The following CPNE4 variants were observed in gnomAD, a reference collection of about 807,000 sequenced individuals.
CPNE4 encodes copine-4.
CPNE4 carries 25 observed loss-of-function variants against 67.9 expected under a neutral mutation model. The ratio of observed to expected loss-of-function variants is 0.37; its 90% confidence interval spans 0.27 to 0.51. The LOEUF (loss-of-function observed/expected upper bound fraction) is 0.51, where lower values mean the gene tolerates loss of function less well. CPNE4 is among the 20% of genes least tolerant of loss of function. CPNE4 has a pLI of 0.93. For missense variants in CPNE4, 464 were observed against 690.8 expected, an observed-to-expected ratio of 0.67 and a Z score of 3.68; for synonymous variants, 242 against 244.9, an observed-to-expected ratio of 0.99 and a Z score of 0.11.
chr3:131,684,274 T>G (rs947345193), intron 6 of CPNE4, among the ~76,000 whole-genome samples: 6 of 152,206 alleles, frequency 3.9e-5, no homozygotes, highest in Admixed American at 2.0e-4. Flanking sequence ...AAAAGAAGTT[T>G]GTTTCACATA....
chr3:131,708,957 G>GAGATATATATAT (rs2081484362), intron 3 of CPNE4, among the ~76,000 whole-genome samples: 2 of 65,800 alleles, frequency 3.0e-5, no homozygotes, highest in African/African-American at 9.3e-5. Flanking sequence ...AGGGCATAAA[G>GAGATATATATAT]ATATATATAT....
chr3:132,013,534 C>A (rs2369362), intron 1 of CPNE4, among the ~76,000 whole-genome samples: 127,533 of 152,198 alleles, frequency 0.84, 54,522 homozygotes, highest in Non-Finnish European at 0.93. Context: ...CCAAGGTCAA[C>A]TTTTTTTCAT....
At chr3:132,032,031 A>C (rs2074246795) in intron 1 of CPNE4, among the ~76,000 whole-genome samples, 1 of 152,216 alleles carries the variant, frequency 6.6e-6, no homozygotes. Context: ...TATACTTTAG[A>C]ACAAACACCT....
intron 15 of CPNE4, 130 bp from the exon 16 acceptor site, chr3:131,535,459 T>A: frequency 1.1e-6 from 1 of 886,952 alleles, no homozygotes; most frequent in Non-Finnish European, 1.6e-6. Context: ...TTGTCAAGGG[T>A]CTACTTCAAG....
chr3:131,765,653 C>T (rs1202985586), intron 2 of CPNE4, among the ~76,000 whole-genome samples: 1 of 152,026 alleles, frequency 6.6e-6, no homozygotes, highest in African/African-American at 2.4e-5. Context: ...AATAGGTTTT[C>T]TGGTGGTCTT....
intron 1 of CPNE4, among the ~76,000 whole-genome samples, chr3:132,023,948 A>G (rs1440569091): frequency 6.6e-6 from 1 of 152,204 alleles, no homozygotes; most frequent in Non-Finnish European, 1.5e-5. Context: ...AGAGTCTAGA[A>G]AAGATGTTAC....
chr3:131,788,858 A>T (rs1349186805), intron 2 of CPNE4, among the ~76,000 whole-genome samples: 1 of 151,908 alleles, frequency 6.6e-6, no homozygotes, highest in Non-Finnish European at 1.5e-5. Flanking sequence ...ACATACACAC[A>T]TATATATATA....
rs1213815466 is a variant in CPNE4, at chr3:131,978,462, ATATATT to A, written c.-2+56099_-2+56104del. 1.3e-4 allele frequency among the ~76,000 whole-genome samples: 4 copies of A among 29,762 alleles called. 1 individual carries two copies. Among genetic ancestry groups the A allele is most frequent in the Non-Finnish European group, 2.2e-4 (4 of 18,562 alleles). 19.5% of individuals were successfully genotyped at this position (29,762 alleles called of 152,430 possible). On this transcript the variant is annotated intron_variant, in intron 1 of 15. Transcript: ENST00000429747. ...TATATATATTTATATATATATTTAT[ATATATT>A]TATATATTTATATATATTTATATAT...
chr3:131,912,501 C>T (rs1057231056), intron 1 of CPNE4, among the ~76,000 whole-genome samples: 1 of 152,092 alleles, frequency 6.6e-6, no homozygotes, highest in East Asian at 1.9e-4. Flanking sequence ...ACAACATTTC[C>T]ATCACAATTC....
chr3:131,884,248 T>C (rs1267819253), intron 2 of CPNE4, among the ~76,000 whole-genome samples: 1 of 152,226 alleles, frequency 6.6e-6, no homozygotes, highest in Non-Finnish European at 1.5e-5. Flanking sequence ...TGCACCACTA[T>C]GGACTGGTAG....
chr3:131,970,255 C>A (rs2072465731), intron 1 of CPNE4, among the ~76,000 whole-genome samples: 1 of 152,200 alleles, frequency 6.6e-6, no homozygotes, highest in Non-Finnish European at 1.5e-5. Context: ...AGTGAAGACA[C>A]ACCAACCCCC....
chr3:131,555,499 T>A lies in CPNE4; in HGVS notation c.1114A>T (p.Thr372Ser), dbSNP rs759813686. 1 of 1,612,376 alleles carries A rather than the reference T, an allele frequency of 6.2e-7. No homozygotes were observed. Among genetic ancestry groups the A allele is most frequent in the Non-Finnish European group, 8.5e-7 (1 of 1,179,004 alleles). ...AGATCACATCTCCACTCACTCACCG[T>A]GTACTCTGGAGGTATCCTGGCGCCA... ...GFGARIPPEYTVSHDFAINFN... is the reference protein window; with the variant it reads ...GFGARIPPEYSVSHDFAINFN... The change falls in exon 12 of 16, where the codon ACG becomes TCG. Residue 372 changes from threonine (T) to serine (S), a missense_variant and splice_region_variant. By Grantham distance (58) the Thr-to-Ser change is moderately conservative (BLOSUM62 1). Transcript: ENST00000429747.
chr3:132,031,918 G>T (rs9857169), intron 1 of CPNE4, among the ~76,000 whole-genome samples: 44,869 of 151,790 alleles, frequency 0.3, 6,767 homozygotes, highest in Non-Finnish European at 0.32. Context: ...TTTTTCTATT[G>T]TTTTGGAATA....
At chr3:131,647,270 C>T (rs560107432) in intron 7 of CPNE4, among the ~76,000 whole-genome samples, 6 of 152,286 alleles carry the variant, frequency 3.9e-5, no homozygotes, top group East Asian at 1.9e-4. Context: ...TACCTGGAGA[C>T]GCTGTGAGCC....
intron 1 of CPNE4, among the ~76,000 whole-genome samples, chr3:131,947,561 T>G (rs1460931673): frequency 6.6e-6 from 1 of 152,216 alleles, no homozygotes; most frequent in African/African-American, 2.4e-5. Context: ...GCAAAGGACA[T>G]GAACTCATTA....
intron 1 of CPNE4, among the ~76,000 whole-genome samples, chr3:132,021,941 C>A (rs1012960474): frequency 1.3e-5 from 2 of 152,168 alleles, no homozygotes; most frequent in Admixed American, 6.5e-5. Flanking sequence ...ATCTAAGTAA[C>A]CAAGAACCAG....
intron 2 of CPNE4, among the ~76,000 whole-genome samples, chr3:131,789,688 G>A (rs2083663823): frequency 6.6e-6 from 1 of 152,110 alleles, no homozygotes. Context: ...ATAAAATTCA[G>A]TTAATTAAGC....
intron 1 of CPNE4, among the ~76,000 whole-genome samples, chr3:131,996,379 T>C (rs1471401426): frequency 6.6e-6 from 1 of 150,982 alleles, no homozygotes; most frequent in African/African-American, 2.4e-5. Context: ...AAGCTGGAGA[T>C]GAAAAAGTCA....
chr3:131,814,941 C>G (rs2084679127), intron 2 of CPNE4, among the ~76,000 whole-genome samples: 2 of 152,140 alleles, frequency 1.3e-5, no homozygotes, highest in African/African-American at 2.4e-5. Context: ...AATGCCATCT[C>G]AGAGAGATGA....
Sources: allele counts gnomAD v4.1 joint callset (sites outside exome capture counted in the v4.1 genomes callset), GRCh38; gene constraint gnomAD v4.1.1; transcripts MANE v1.5; gene names NCBI Gene and HGNC (gene_info 2026-07-23, HGNC 2026-07-21).